POLR3G: variants seen among roughly 807,000 people sequenced by gnomAD.
POLR3G encodes the protein RNA polymerase III subunit G.
A neutral mutation model predicts 30.1 loss-of-function variants in POLR3G; 28 were observed. That is an observed-to-expected ratio of 0.93 (90% confidence interval 0.69 to 1.27). The LOEUF is 1.27. Among genes scored for constraint, POLR3G ranks in the 50% most tolerant of loss-of-function variants. The probability of loss-of-function intolerance (pLI) is 0.00; values close to 1 mark genes in which losing one functional copy is unlikely to be tolerated. For missense variants in POLR3G, 254 were observed against 264.6 expected (o/e 0.96, Z 0.28); for synonymous variants, 79 against 82.5 (o/e 0.96, Z 0.23).
chr5:90,485,524 G>T lies in POLR3G; in HGVS notation c.-43-1G>T, dbSNP rs750654754. On this transcript the variant is annotated splice_acceptor_variant, in intron 1 of 7. Coordinates refer to ENST00000651687, the MANE Select transcript of POLR3G (RefSeq NM_006467.3). LOFTEE classifies it low-confidence loss of function (5UTR_SPLICE). ...ATCCAGTAAATCGTAATCATTAATA[G>T]TGCCTTTCAGAATTTGCCCACTCAT... 2.3e-6 allele frequency: 3 copies of T among 1,317,934 alleles called. No individual in the cohort carries two copies. The highest frequency in any genetic ancestry group is 2.3e-4 in the Middle Eastern group (1 of 4,284). 81.6% of individuals were successfully genotyped at this position (1,317,934 alleles called of 1,614,324 possible). A position where few individuals can be genotyped will look rare whatever the true frequency, so the allele number is the denominator to read the frequency against.
chr5:90,476,856 C>T (rs1750850529), intron 1 of POLR3G, among the ~76,000 whole-genome samples: 1 of 152,192 alleles, frequency 6.6e-6, no homozygotes, highest in African/African-American at 2.4e-5. Context: ...CCACCCTTTC[C>T]ACAATAGCAT....
At chr5:90,474,350 T>C (rs1374379850), upstream of POLR3G, 24 of 1,493,130 alleles carry the variant, frequency 1.6e-5, no homozygotes, top group East Asian at 5.5e-4. Context: ...TCCCACAGGC[T>C]GTCCACACAC....
At position 90,501,905 on chromosome 5, in the gene POLR3G, G is replaced by A. The variant is rs767394094; in HGVS notation, c.356-1G>A. On this transcript the variant is annotated splice_acceptor_variant, in intron 5 of 7. Transcript: ENST00000651687. LOFTEE classifies it high-confidence loss of function. ...TGTGTTAACTGGTAGTTTTACTTCA[G>A]CAGGCCCAAAACCCAAAAAGGCAAA... 18 of 1,612,950 alleles carry A rather than the reference G, an allele frequency of 1.1e-5. No individual in the cohort carries two copies. In the South Asian group the frequency reaches 1.9e-4, roughly 17 times the overall value.
intron 6 of POLR3G, chr5:90,502,400 G>T (rs1338425540): frequency 1.1e-6 from 1 of 884,974 alleles, no homozygotes. Context: ...CTTAAGTATT[G>T]AAGACTCTTG....
chr5:90,480,591 A>C (rs1368304452), intron 1 of POLR3G, among the ~76,000 whole-genome samples: 1 of 152,128 alleles, frequency 6.6e-6, no homozygotes, highest in African/African-American at 2.4e-5. Flanking sequence ...CTCTTTTTTT[A>C]GGGTGAGTTT....
chr5:90,479,392 G>A (rs1751007943), intron 1 of POLR3G, among the ~76,000 whole-genome samples: 1 of 152,154 alleles, frequency 6.6e-6, no homozygotes, highest in African/African-American at 2.4e-5. Flanking sequence ...AGAATTGCTT[G>A]AACCCGGGAG....
intron 3 of POLR3G, chr5:90,490,453 A>G (rs1751665759): frequency 5.3e-6 from 1 of 189,832 alleles, no homozygotes; most frequent in South Asian, 7.7e-5. Flanking sequence ...GCTGGAGTGC[A>G]GTGGGACAAT....
chr5:90,495,827 T>C (rs1751957748), intron 4 of POLR3G, 94 bp downstream of exon 4: 7 of 1,422,556 alleles, frequency 4.9e-6, no homozygotes, highest in Non-Finnish European at 6.5e-6. Context: ...ATTTTTACCA[T>C]AGGAAAACTG....
intron 7 of POLR3G, among the ~76,000 whole-genome samples, chr5:90,509,326 C>T (rs1464938562): frequency 6.6e-6 from 1 of 152,056 alleles, no homozygotes; most frequent in African/African-American, 2.4e-5. Context: ...CCCATAGTTA[C>T]CCTGTATAAA....
rs538382954 is a variant in POLR3G, at chr5:90,485,542, C to A, written c.-26C>A. ...ATTAATAGTGCCTTTCAGAATTTGC[C>A]CACTCATCTGGTATAACTGGTTCTG... On this transcript the variant is annotated 5_prime_UTR_variant, in exon 2 of 8. Transcript: ENST00000651687. 9.3e-6 allele frequency: 14 copies of A among 1,509,848 alleles called. No homozygotes were observed. The highest frequency in any genetic ancestry group is 2.0e-4 in the Middle Eastern group (1 of 5,046). The allele number at this position is 1,509,848 out of a possible 1,614,324, so 93.5% of individuals were successfully genotyped here. A position where few individuals can be genotyped will look rare whatever the true frequency, so the allele number is the denominator to read the frequency against.
intron 2 of POLR3G, among the ~76,000 whole-genome samples, chr5:90,487,414 C>T (rs1156276253): frequency 2.7e-4 from 24 of 88,042 alleles, no homozygotes; most frequent in African/African-American, 1.2e-3. Context: ...TTTTGTGAGA[C>T]GGACTCTAGC....
At chr5:90,500,472 G>T (rs1282652701) in intron 5 of POLR3G, among the ~76,000 whole-genome samples, 1 of 152,110 alleles carries the variant, frequency 6.6e-6, no homozygotes, top group Non-Finnish European at 1.5e-5. Flanking sequence ...AAGACTTCAT[G>T]ATGTAAGTAG....
At chr5:90,491,238 A>G (rs1019057583) in intron 3 of POLR3G, among the ~76,000 whole-genome samples, 1 of 152,350 alleles carries the variant, frequency 6.6e-6, no homozygotes, top group African/African-American at 2.4e-5. Context: ...TTTGTTATTT[A>G]TATAATAAAG....
intron 5 of POLR3G, among the ~76,000 whole-genome samples, chr5:90,498,172 T>C (rs917304448): frequency 6.6e-6 from 1 of 152,200 alleles, no homozygotes; most frequent in Admixed American, 6.5e-5. Flanking sequence ...TGTGTGTGTA[T>C]ATATATGCAT....
rs750811316 is a variant in POLR3G, at chr5:90,506,559, C to T, written c.470C>T (p.Ser157Leu). The T allele has an allele frequency of 5.0e-6, 8 of 1,612,584 alleles. No individual in the cohort carries two copies. The highest frequency in any genetic ancestry group is 6.8e-6 in the Non-Finnish European group (8 of 1,179,412). The change falls in exon 7 of 8, where the codon TCA becomes TTA. Residue 157 changes from serine to leucine, a missense_variant. Ser to Leu is a moderately radical substitution (Grantham distance 145, BLOSUM62 -2). Coordinates refer to ENST00000651687, the MANE Select transcript of POLR3G (RefSeq NM_006467.3). ...GAAAAAAGAGGTGATGGTGAAAAAT[C>T]AGATGAGGAAAATGAAGAGAAAGAA... ...ELEKRGDGEK[S>L]DEENEEKEGS... is the part of the protein sequence containing the mutation.
chr5:90,495,525 T>C (rs1751939480), intron 3 of POLR3G, 152 bp from the exon 4 acceptor site: 7 of 1,331,302 alleles, frequency 5.3e-6, no homozygotes, highest in Non-Finnish European at 6.9e-6. Context: ...ACCCCTACCC[T>C]TTTTCCCATT....
intron 7 of POLR3G, among the ~76,000 whole-genome samples, chr5:90,508,329 C>T (rs886682508): frequency 1.4e-5 from 2 of 146,372 alleles, no homozygotes; most frequent in Non-Finnish European, 3.0e-5. Context: ...TCCTCCTCCT[C>T]TTTTTTTTTT....
At chr5:90,495,825 C>A in intron 4 of POLR3G, 92 bp downstream of exon 4, 1 of 1,425,746 alleles carries the variant, frequency 7.0e-7, no homozygotes, top group Non-Finnish European at 9.2e-7. Context: ...CTATTTTTAC[C>A]ATAGGAAAAC....
At chr5:90,476,716 C>T (rs575490330) in intron 1 of POLR3G, among the ~76,000 whole-genome samples, 1 of 152,330 alleles carries the variant, frequency 6.6e-6, no homozygotes, top group South Asian at 2.1e-4. Context: ...GAGACCTTCA[C>T]ACTTCCAGGT....
Sources: gnomAD v4.1 joint callset for allele counts (sites outside exome capture counted in the v4.1 genomes callset) on GRCh38, gnomAD v4.1.1 for gene constraint, MANE v1.5 for transcripts, NCBI Gene and HGNC (gene_info 2026-07-23, HGNC 2026-07-21) for gene names.